The following FRMD4A variants were observed in gnomAD, a reference collection of about 807,000 sequenced individuals.
FRMD4A encodes FERM domain-containing protein 4A.
A neutral mutation model predicts 129.1 loss-of-function variants in FRMD4A; 29 were observed. The ratio of observed to expected loss-of-function variants is 0.22; its 90% confidence interval spans 0.17 to 0.31. The LOEUF (loss-of-function observed/expected upper bound fraction) is 0.31. Among genes scored for constraint, FRMD4A ranks in the 10% least tolerant of loss-of-function variants. The pLI, the probability that FRMD4A is intolerant of heterozygous loss-of-function variation, is 1.00. For missense variants in FRMD4A, 1,272 were observed against 1,375.8 expected (o/e 0.92, Z 1.19); for synonymous variants, 634 against 571.6 (o/e 1.11, Z -1.56).
intron 2 of FRMD4A, among the ~76,000 whole-genome samples, chr10:14,058,689 T>C (rs1342385851): frequency 6.6e-6 from 1 of 152,200 alleles, no homozygotes; most frequent in Non-Finnish European, 1.5e-5. Flanking sequence ...GTGGAAACAC[T>C]GAACACATCC....
chr10:13,863,974 TTTTCTCTCTCTCTCTTTC>T (rs2094329304), intron 2 of FRMD4A, among the ~76,000 whole-genome samples: 1 of 152,126 alleles, frequency 6.6e-6, no homozygotes, highest in South Asian at 2.1e-4. Context: ...TGGCAAAGTC[TTTTCTCTCTCTCTCTTTC>T]TTTCTCTCTC....
intron 2 of FRMD4A, among the ~76,000 whole-genome samples, chr10:14,143,007 G>A (rs1210111652): frequency 6.6e-6 from 1 of 152,232 alleles, no homozygotes; most frequent in Non-Finnish European, 1.5e-5. Context: ...TGGCAGGGAT[G>A]TGGAGAAGTT....
chr10:13,877,591 G>A (rs959692537), intron 2 of FRMD4A, among the ~76,000 whole-genome samples: 7 of 152,192 alleles, frequency 4.6e-5, no homozygotes, highest in African/African-American at 1.2e-4. Flanking sequence ...TGCTTCCATA[G>A]GGGGAAGTTT....
At chr10:13,750,120 G>GAAAT (rs2091535276) in intron 8 of FRMD4A, among the ~76,000 whole-genome samples, 2 of 133,784 alleles carry the variant, frequency 1.5e-5, no homozygotes, top group Admixed American at 7.7e-5. Flanking sequence ...AAGAAAGAAA[G>GAAAT]AAAGAAAGAA....
intron 2 of FRMD4A, among the ~76,000 whole-genome samples, chr10:13,957,647 G>C (rs932662922): frequency 1.5e-4 from 23 of 152,238 alleles, no homozygotes; most frequent in Non-Finnish European, 2.8e-4. Context: ...AGAAAGCACA[G>C]TGTCTCAAGA....
rs546433883 is a variant in FRMD4A, at chr10:14,247,633, C to A, written c.45+82425G>T. Among the ~76,000 whole-genome samples the A allele has an allele frequency of 1.4e-3, 209 of 152,230 alleles. 1 individual carries two copies. The highest frequency in any genetic ancestry group is 4.9e-3 in the African/African-American group (205 of 41,530). The stretch of plus-strand genomic sequence containing the variant: ...CTGGCAGAGGAAGCTGATACCAAAA[C>A]CACATTTATTCTTTTCCTTTAAAAA... On this transcript the variant is annotated intron_variant, in intron 2 of 24. Coordinates refer to ENST00000357447, the MANE Select transcript of FRMD4A (RefSeq NM_018027.5).
intron 2 of FRMD4A, among the ~76,000 whole-genome samples, chr10:13,903,932 T>C (rs1417705281): frequency 6.6e-6 from 1 of 152,144 alleles, no homozygotes; most frequent in Non-Finnish European, 1.5e-5. Flanking sequence ...ATGGACATTC[T>C]TGGATGTAGA....
chr10:14,227,970 TTCAA>T (rs1223867612), intron 2 of FRMD4A, among the ~76,000 whole-genome samples: 1 of 152,080 alleles, frequency 6.6e-6, no homozygotes, highest in African/African-American at 2.4e-5. Context: ...GCCTCCCTGG[TTCAA>T]GCAATTCTCC....
intron 2 of FRMD4A, among the ~76,000 whole-genome samples, chr10:14,246,956 C>T (rs759110653): frequency 2.0e-5 from 3 of 152,050 alleles, no homozygotes; most frequent in Non-Finnish European, 2.9e-5. Flanking sequence ...AACATGGGCA[C>T]GGTTAGAGGG....
At chr10:13,916,302 G>A (rs1210992900) in intron 2 of FRMD4A, among the ~76,000 whole-genome samples, 1 of 152,042 alleles carries the variant, frequency 6.6e-6, no homozygotes, top group African/African-American at 2.4e-5. Flanking sequence ...TTCTTCCTTG[G>A]GTCTATGGCT....
At chr10:14,298,672 G>C (rs559480532) in intron 2 of FRMD4A, among the ~76,000 whole-genome samples, 1 of 152,176 alleles carries the variant, frequency 6.6e-6, no homozygotes, top group Non-Finnish European at 1.5e-5. Flanking sequence ...TTTTGACCTT[G>C]GGATCAACAC....
chr10:13,778,452 A>C (rs2092654596), intron 6 of FRMD4A, among the ~76,000 whole-genome samples: 2 of 152,154 alleles, frequency 1.3e-5, no homozygotes, highest in African/African-American at 4.8e-5. Flanking sequence ...CAACTGTCCC[A>C]AAATGAGGTC....
intron 2 of FRMD4A, among the ~76,000 whole-genome samples, chr10:14,222,505 G>GAA (rs921689884): frequency 3.9e-5 from 6 of 152,108 alleles, no homozygotes; most frequent in African/African-American, 1.2e-4. Context: ...GAGAGAGAGA[G>GAA]AAATAGAGAA....
At chr10:13,989,612 C>A (rs565091255) in intron 2 of FRMD4A, among the ~76,000 whole-genome samples, 1 of 152,184 alleles carries the variant, frequency 6.6e-6, no homozygotes, top group Non-Finnish European at 1.5e-5. Flanking sequence ...GAGGCGTGAG[C>A]CAACGCGCCC....
At chr10:14,070,446 G>T (rs1034733230) in intron 2 of FRMD4A, among the ~76,000 whole-genome samples, 6 of 151,990 alleles carry the variant, frequency 3.9e-5, no homozygotes, top group Non-Finnish European at 5.9e-5. Context: ...TTTTATTATC[G>T]GTTTAGAAAG....
At chr10:13,706,416 A>C (rs1483211495) in intron 13 of FRMD4A, among the ~76,000 whole-genome samples, 1 of 152,036 alleles carries the variant, frequency 6.6e-6, no homozygotes, top group African/African-American at 2.4e-5. Context: ...CTTGCATCTG[A>C]CTTAAGAGTA....
intron 2 of FRMD4A, among the ~76,000 whole-genome samples, chr10:14,037,047 C>A (rs1405754969): frequency 6.6e-6 from 1 of 152,218 alleles, no homozygotes; most frequent in Non-Finnish European, 1.5e-5. Context: ...TGACCTACAG[C>A]CACCCAGTTC....
chr10:13,782,566 C>A (rs2092763788), intron 6 of FRMD4A, among the ~76,000 whole-genome samples: 1 of 151,974 alleles, frequency 6.6e-6, no homozygotes, highest in South Asian at 2.1e-4. Flanking sequence ...GCCTCACCCT[C>A]CCAAGTAGCT....
At position 13,701,418 on chromosome 10, in the gene FRMD4A, T is replaced by G. The variant is rs1364431712; in HGVS notation, c.897A>C (p.Ala299=). The change falls in exon 14 of 25, where the codon GCA becomes GCC. Residue 299 remains alanine (A), a synonymous_variant. Coordinates refer to ENST00000357447, the MANE Select transcript of FRMD4A (RefSeq NM_018027.5). ...AGATGGACTTGATCAATGCCGGACA[T>G]GCATACCACGTGTGCACTGCAATGC... ...HSGIAVHTWY[A]CPALIKSIWA... 1.1e-5 allele frequency: 17 copies of G among 1,613,742 alleles called. No individual in the cohort carries two copies. In the Admixed American group the frequency reaches 2.8e-4, roughly 27 times the overall value.
Sources: allele counts gnomAD v4.1 joint callset (sites outside exome capture counted in the v4.1 genomes callset), GRCh38; gene constraint gnomAD v4.1.1; transcripts MANE v1.5; gene names NCBI Gene and HGNC (gene_info 2026-07-23, HGNC 2026-07-21).